POU6F2: variants seen among roughly 807,000 people sequenced by gnomAD.
POU6F2 encodes the protein POU domain, class 6, transcription factor 2.
A neutral mutation model predicts 71.3 loss-of-function variants in POU6F2; 31 were observed. The observed-to-expected ratio is 0.43, with a 90% CI of 0.33 to 0.59. The LOEUF is 0.59. Among genes scored for constraint, POU6F2 ranks in the 20% least tolerant of loss-of-function variants. The pLI, the probability that POU6F2 is intolerant of heterozygous loss-of-function variation, is 0.04. For missense variants in POU6F2, 783 were observed against 856.8 expected (o/e 0.91, Z 1.07); for synonymous variants, 347 against 355.7 (o/e 0.98, Z 0.27).
chr7:39,006,063 T>TG (rs1035530289), intron 1 of POU6F2, among the ~76,000 whole-genome samples: 3 of 152,162 alleles, frequency 2.0e-5, no homozygotes, highest in African/African-American at 7.2e-5. Context: ...ATTGTGGTAT[T>TG]GGGGGGACAT....
chr7:39,434,653 A>AG (rs1280985225), intron 7 of POU6F2, among the ~76,000 whole-genome samples: 3 of 151,836 alleles, frequency 2.0e-5, no homozygotes, highest in African/African-American at 4.8e-5. Context: ...CTTCTTCTAA[A>AG]AAAAAAAGCA....
intron 5 of POU6F2, among the ~76,000 whole-genome samples, chr7:39,360,123 A>G (rs1786346842): frequency 6.6e-6 from 1 of 152,244 alleles, no homozygotes; most frequent in South Asian, 2.1e-4. Flanking sequence ...TGAAGTATTC[A>G]GGTACTTTTC....
chr7:39,311,230 G>T (rs1183507619), intron 4 of POU6F2, among the ~76,000 whole-genome samples: 2 of 151,656 alleles, frequency 1.3e-5, no homozygotes, highest in African/African-American at 4.9e-5. Flanking sequence ...ACTATGCAGA[G>T]TGGTCACATT....
chr7:39,340,159 G>A (rs568890727), intron 5 of POU6F2, 144 bp downstream of exon 5: 3 of 1,215,590 alleles, frequency 2.5e-6, no homozygotes, highest in African/African-American at 3.0e-5. Flanking sequence ...CTTAGACATA[G>A]GGAAGAAGAA....
intron 1 of POU6F2, among the ~76,000 whole-genome samples, chr7:38,986,517 T>C (rs1183758290): frequency 6.6e-6 from 1 of 152,148 alleles, no homozygotes; most frequent in East Asian, 1.9e-4. Context: ...TCTACCTTTA[T>C]TTATCAAATA....
chr7:39,234,331 T>A (rs58473961), intron 4 of POU6F2, among the ~76,000 whole-genome samples: 2 of 151,980 alleles, frequency 1.3e-5, no homozygotes, highest in African/African-American at 4.8e-5. Context: ...TCTTACAAAG[T>A]GACAGTCCCC....
In POU6F2 at chr7:39,433,262, A is replaced by G. The variant is rs1291461709; in HGVS notation, c.1299A>G (p.Ser433=). ...TCAACACCCAGGGCATCACGCTGTC[A>G]CCCATCAAGCCCGGCCAGCAGGTAA... ...PVINTQGITL[S]PIKPGQQLHQ... The change falls in exon 7 of 10, where the codon TCA becomes TCG. Residue 433 remains serine (S), a synonymous_variant. Coordinates refer to ENST00000518318, the MANE Select transcript of POU6F2 (RefSeq NM_001370959.1). The G allele has an allele frequency of 6.2e-7, 1 of 1,613,848 alleles. No individual in the cohort carries two copies. The highest frequency in any genetic ancestry group is 1.1e-5 in the South Asian group (1 of 91,082).
intron 4 of POU6F2, among the ~76,000 whole-genome samples, chr7:39,318,741 C>T (rs901319984): frequency 6.6e-6 from 1 of 152,168 alleles, no homozygotes; most frequent in Non-Finnish European, 1.5e-5. Context: ...TCCCTTACCC[C>T]CAAATGACGA....
chr7:39,117,739 G>C (rs182250518), intron 2 of POU6F2, among the ~76,000 whole-genome samples: 2 of 152,246 alleles, frequency 1.3e-5, no homozygotes, highest in Non-Finnish European at 2.9e-5. Context: ...AAAGTAAGAG[G>C]ACTGGTTGAA....
chr7:39,412,549 T>C (rs1787570373), intron 6 of POU6F2, among the ~76,000 whole-genome samples: 1 of 152,154 alleles, frequency 6.6e-6, no homozygotes, highest in South Asian at 2.1e-4. Context: ...AAAAGAAATA[T>C]GTGTAATTCT....
intron 2 of POU6F2, among the ~76,000 whole-genome samples, chr7:39,189,830 A>C (rs556898724): frequency 6.6e-5 from 10 of 152,246 alleles, no homozygotes; most frequent in Non-Finnish European, 1.2e-4. Context: ...ACTCTTTCCA[A>C]AATCACTGAA....
intron 1 of POU6F2, among the ~76,000 whole-genome samples, chr7:38,997,272 C>G (rs780112928): frequency 6.6e-6 from 1 of 152,130 alleles, no homozygotes; most frequent in Non-Finnish European, 1.5e-5. Context: ...CTGTCTTTTC[C>G]TGGTTTGTTT....
intron 5 of POU6F2, among the ~76,000 whole-genome samples, chr7:39,402,777 A>C (rs952892275): frequency 6.6e-6 from 1 of 152,122 alleles, no homozygotes; most frequent in East Asian, 1.9e-4. Flanking sequence ...TTTTTTTATA[A>C]GAAAAAAAAG....
chr7:39,339,199 C>T (rs1377945440), intron 4 of POU6F2, among the ~76,000 whole-genome samples: 2 of 152,100 alleles, frequency 1.3e-5, no homozygotes, highest in South Asian at 2.1e-4. Flanking sequence ...GATGTAAAGG[C>T]AATTGCAAAC....
Position 39,460,843 on chromosome 7 carries a change from A to G in POU6F2, c.1658+128A>G. On this transcript the variant is annotated intron_variant, in intron 9 of 9. Transcript: ENST00000518318. This position sits in a 1 kb window ranked among gnomAD's most constrained non-coding sequence, Gnocchi z 4.4. ...GAGAGTGGGAACAAAGTTTGGGGGC[A>G]GCTATATGTTGGGATTGGTGATCTT... 1 of 1,159,670 alleles carries G rather than the reference A, an allele frequency of 8.6e-7. No individual in the cohort carries two copies. Among genetic ancestry groups the G allele is most frequent in the Non-Finnish European group, 1.2e-6 (1 of 855,670 alleles). The allele number at this position is 1,159,670 out of a possible 1,614,324, so 71.8% of individuals were successfully genotyped here.
chr7:39,262,070 A>G (rs796984692), intron 4 of POU6F2, among the ~76,000 whole-genome samples: 8 of 152,314 alleles, frequency 5.3e-5, no homozygotes, highest in African/African-American at 1.9e-4. Context: ...AAAGTTGCTC[A>G]ATGGTGCCAG....
At chr7:39,206,632 T>C (rs1216006645) in intron 3 of POU6F2, among the ~76,000 whole-genome samples, 1 of 152,234 alleles carries the variant, frequency 6.6e-6, no homozygotes. Flanking sequence ...ATAAACATTT[T>C]CTATTTTTCT....
intron 4 of POU6F2, among the ~76,000 whole-genome samples, chr7:39,245,694 T>A (rs1783807823): frequency 6.6e-6 from 1 of 152,202 alleles, no homozygotes; most frequent in African/African-American, 2.4e-5. Flanking sequence ...CATGTTATCA[T>A]CTGCAGTAAA....
chr7:39,195,027 T>G (rs1266694287), intron 2 of POU6F2, among the ~76,000 whole-genome samples: 1 of 152,164 alleles, frequency 6.6e-6, no homozygotes, highest in Non-Finnish European at 1.5e-5. Context: ...GCGGTTTCAT[T>G]CTTGAAGTCA....
Sources: allele counts gnomAD v4.1 joint callset (sites outside exome capture counted in the v4.1 genomes callset), GRCh38; gene constraint gnomAD v4.1.1; non-coding constraint Gnocchi (gnomAD v3.1); transcripts MANE v1.5; gene names NCBI Gene and HGNC (gene_info 2026-07-23, HGNC 2026-07-21).